Variants in ZFHX4 observed in about 807,000 individuals in gnomAD.
ZFHX4 encodes the protein zinc finger homeobox protein 4.
In ZFHX4, 56 loss-of-function variants were observed where a neutral mutation model predicts 267.6. That is an observed-to-expected ratio of 0.21 (90% confidence interval 0.17 to 0.26). ZFHX4 has a LOEUF of 0.26. Among genes scored for constraint, ZFHX4 ranks in the 10% least tolerant of loss-of-function variants. The pLI is 1.00. For synonymous variants in ZFHX4, 1,778 were observed against 1,665.6 expected, an observed-to-expected ratio of 1.07 and a Z score of -1.64; for missense variants, 4,332 against 4,420.0, an observed-to-expected ratio of 0.98 and a Z score of 0.56.
At chr8:76,842,251 A>AT (rs1312199413) in intron 5 of ZFHX4, among the ~76,000 whole-genome samples, 2 of 151,864 alleles carry the variant, frequency 1.3e-5, no homozygotes, top group East Asian at 1.9e-4. Context: ...ATTATTTAAG[A>AT]TTTTTTTTCT....
intron 1 of ZFHX4, among the ~76,000 whole-genome samples, chr8:76,688,991 TTGAG>T (rs1311651848): frequency 6.6e-6 from 1 of 152,162 alleles, no homozygotes; most frequent in African/African-American, 2.4e-5. Flanking sequence ...GGGTTGACTC[TTGAG>T]TACAGCATAT....
intron 10 of ZFHX4, among the ~76,000 whole-genome samples, 165 bp from the exon 11 acceptor site, chr8:76,862,929 C>CTAGAA (rs1812908307): frequency 6.6e-6 from 1 of 151,654 alleles, no homozygotes; most frequent in Admixed American, 6.6e-5. Context: ...ACAGGAAAGC[C>CTAGAA]CCATGTTGAA....
intron 3 of ZFHX4, among the ~76,000 whole-genome samples, chr8:76,713,486 A>T (rs1471354824): frequency 6.6e-6 from 1 of 151,988 alleles, no homozygotes; most frequent in African/African-American, 2.4e-5. Flanking sequence ...GAACCCACCT[A>T]CTCTATTTTC....
chr8:76,851,096 G>T lies in ZFHX4; in HGVS notation c.4175G>T (p.Arg1392Leu). The T allele has an allele frequency of 6.2e-7, 1 of 1,613,946 alleles. No homozygotes were observed. The highest frequency in any genetic ancestry group is 2.2e-5 in the East Asian group (1 of 44,858). ...AGGCAACCGCTCTCTGTTTCTGACC[G>T]TCATGTCTACAAGTATCGCTGTAAC... is the stretch of plus-strand genomic sequence containing the variant. ...QKRQPLSVSD[R>L]HVYKYRCNHC... The change falls in exon 10 of 11, where the codon CGT (arginine) becomes CTT (leucine). Residue 1392 changes from arginine to leucine, a missense_variant. Coordinates refer to ENST00000651372, the MANE Select transcript of ZFHX4 (RefSeq NM_024721.5).
chr8:76,812,847 T>C (rs947716598), intron 4 of ZFHX4, among the ~76,000 whole-genome samples: 1 of 151,530 alleles, frequency 6.6e-6, no homozygotes, highest in East Asian at 1.9e-4. Flanking sequence ...TGTTGTTTTA[T>C]AGTTTTTTAA....
intron 4 of ZFHX4, among the ~76,000 whole-genome samples, chr8:76,791,287 TG>T (rs35969730): frequency 2.0e-5 from 3 of 152,182 alleles, no homozygotes; most frequent in African/African-American, 7.2e-5. Flanking sequence ...CTGGCCACTT[TG>T]GGTGTCTGTT....
At chr8:76,681,740 C>A (rs1807534897) in intron 1 of ZFHX4, 120 bp downstream of exon 1, 1 of 331,248 alleles carries the variant, frequency 3.0e-6, no homozygotes, top group East Asian at 4.5e-5. Context: ...TCTCCCTCTC[C>A]GCCTCTCTTC....
intron 3 of ZFHX4, among the ~76,000 whole-genome samples, chr8:76,775,323 C>A (rs1810374360): frequency 6.6e-6 from 1 of 152,096 alleles, no homozygotes; most frequent in East Asian, 1.9e-4. Context: ...TAATCAAGTC[C>A]CACTTGGAAG....
chr8:76,690,647 C>A (rs1392510732), intron 1 of ZFHX4, among the ~76,000 whole-genome samples: 3 of 151,980 alleles, frequency 2.0e-5, no homozygotes, highest in Non-Finnish European at 4.4e-5. Flanking sequence ...TTAATCATCT[C>A]TTTTGGTTTA....
In ZFHX4 at chr8:76,704,199, G is replaced by T. The variant is rs1358598728; in HGVS notation, c.111G>T (p.Gly37=). 6.2e-7 allele frequency: 1 copy of T among 1,613,978 alleles called. No individual in the cohort carries two copies. The highest frequency in any genetic ancestry group is 8.5e-7 in the Non-Finnish European group (1 of 1,179,888). ...ATGAGGTGCCAGAGAAAGTTGCAGG[G>T]ATGGAGCCTGACAGGGAAAACAGCT... is the stretch of plus-strand genomic sequence containing the variant. ...LDNEVPEKVA[G]MEPDRENSST... The change falls in exon 2 of 11, where the codon GGG becomes GGT. Residue 37 remains glycine, a synonymous_variant. Transcript: ENST00000651372.
rs1340137419 is a variant in ZFHX4 at position 76,866,653 on chromosome 8, G to A, written c.*2088G>A. On this transcript the variant is annotated 3_prime_UTR_variant, in exon 11 of 11. Transcript: ENST00000651372. Reference sequence around the variant, plus strand: ...TGTTAAGCAGCAGCATTGTGAGATCGATCTGTCCTGGCAGTTAACACGATG... The same window carrying A: ...TGTTAAGCAGCAGCATTGTGAGATCAATCTGTCCTGGCAGTTAACACGATG... 1 of 152,372 alleles carries A rather than the reference G, an allele frequency of 6.6e-6. No homozygotes were observed. The highest frequency in any genetic ancestry group is 6.6e-5 in the Admixed American group (1 of 15,240). The allele number at this position is 152,372 out of a possible 1,614,324, so 9.4% of individuals were successfully genotyped here.
chr8:76,707,401 G>T, intron 2 of ZFHX4, 145 bp from the exon 3 acceptor site: 1 of 707,474 alleles, frequency 1.4e-6, no homozygotes, highest in Non-Finnish European at 2.2e-6. Context: ...GATTGTAATT[G>T]ATCCTGATTG....
intron 4 of ZFHX4, among the ~76,000 whole-genome samples, chr8:76,796,205 G>A (rs1409565104): frequency 6.6e-6 from 1 of 151,980 alleles, no homozygotes; most frequent in Non-Finnish European, 1.5e-5. Flanking sequence ...TTTGAAAATA[G>A]AAATTTATAA....
intron 4 of ZFHX4, among the ~76,000 whole-genome samples, chr8:76,820,684 G>A (rs772934113): frequency 2.7e-4 from 41 of 152,146 alleles, no homozygotes; most frequent in Admixed American, 2.0e-4. Context: ...CAGTGTGATG[G>A]TATTGCCATA....
intron 5 of ZFHX4, among the ~76,000 whole-genome samples, chr8:76,841,908 C>G (rs1291813852): frequency 6.6e-6 from 1 of 152,128 alleles, no homozygotes. Context: ...GCTACACAGC[C>G]CCAGCATAGA....
chr8:76,853,264 C>G lies in ZFHX4; in HGVS notation c.6343C>G (p.Gln2115Glu). Residue 2115 changes from glutamine (Q) to glutamate (E), a missense_variant, in exon 10 of 11, where the codon CAG (glutamine) becomes GAG (glutamate). Gln to Glu is a conservative substitution (Grantham distance 29). Around this residue, in one of 7 missense-constraint regions of ZFHX4, gnomAD observed 1,371 missense variants for 1,423.1 expected, o/e 0.96. Coordinates refer to ENST00000651372, the MANE Select transcript of ZFHX4 (RefSeq NM_024721.5). The stretch of plus-strand genomic sequence containing the variant: ...TGCAGACCTCACCCAACTTTGCCAG[C>G]AGCAGCTCGGATTAGATCCCAACTT... ...LSADLTQLCQ[Q>E]QLGLDPNFLR... is the part of the protein sequence containing the mutation. 7 of 1,594,954 alleles carry G rather than the reference C, an allele frequency of 4.4e-6. No homozygotes were observed. The highest frequency in any genetic ancestry group is 1.8e-5 in the Admixed American group (1 of 56,536).
intron 4 of ZFHX4, among the ~76,000 whole-genome samples, chr8:76,827,515 C>T (rs1811818058): frequency 6.6e-6 from 1 of 152,054 alleles, no homozygotes; most frequent in African/African-American, 2.4e-5. Context: ...AAAGGTTGAT[C>T]TTTTAATTTC....
intron 4 of ZFHX4, among the ~76,000 whole-genome samples, chr8:76,817,398 T>C (rs1184914980): frequency 6.6e-6 from 1 of 152,166 alleles, no homozygotes; most frequent in Non-Finnish European, 1.5e-5. Context: ...TTCTCATAGT[T>C]CATAAAATTA....
At position 76,706,507 on chromosome 8, in the gene ZFHX4, C is replaced by G. The variant is rs993941475; in HGVS notation, c.2419C>G (p.His807Asp). ...LLQQNMKQIQ[H>D]NLHLGLAPAE... ...GCAGCAGAACATGAAGCAGATCCAG[C>G]ATAATCTGCACTTGGGCCTCGCCCC... The change falls in exon 2 of 11, where the codon CAT (histidine) becomes GAT (aspartate). Residue 807 changes from histidine (H) to aspartate (D), a missense_variant. His to Asp is a moderately conservative substitution (Grantham distance 81, BLOSUM62 -1). Transcript: ENST00000651372. The G allele has an allele frequency of 6.2e-7, 1 of 1,613,790 alleles. No homozygotes were observed. The highest frequency in any genetic ancestry group is 1.1e-5 in the South Asian group (1 of 91,010).
Sources: gnomAD v4.1 joint callset for allele counts (sites outside exome capture counted in the v4.1 genomes callset) on GRCh38, gnomAD v4.1.1 for gene constraint, gnomAD v4.1.1 regional missense constraint, MANE v1.5 for transcripts, NCBI Gene and HGNC (gene_info 2026-07-23, HGNC 2026-07-21) for gene names.